UGGT2: variants seen among roughly 807,000 people sequenced by gnomAD.
The protein encoded by UGGT2 is UDP-glucose:glycoprotein glucosyltransferase 2.
UGGT2 carries 180 observed loss-of-function variants against 192.1 expected under a neutral mutation model. The ratio of observed to expected loss-of-function variants is 0.94; its 90% confidence interval spans 0.83 to 1.06. The LOEUF (loss-of-function observed/expected upper bound fraction) is 1.06. Among genes scored for constraint, UGGT2 ranks in the 50% least tolerant of loss-of-function variants. The pLI, the probability that UGGT2 is intolerant of heterozygous loss-of-function variation, is 0.00. For synonymous variants in UGGT2, 580 were observed against 591.0 expected (o/e 0.98, Z 0.27); for missense variants, 1,849 against 1,795.7 (o/e 1.03, Z -0.54).
intron 29 of UGGT2, among the ~76,000 whole-genome samples, chr13:95,869,088 A>C (rs965678892): frequency 7.6e-6 from 1 of 131,426 alleles, no homozygotes; most frequent in Non-Finnish European, 1.6e-5. Context: ...TCCTGTGTCC[A>C]TGTGTTCTCA....
chr13:95,914,054 C>A (rs1388737901), intron 20 of UGGT2, among the ~76,000 whole-genome samples: 1 of 151,376 alleles, frequency 6.6e-6, no homozygotes, highest in African/African-American at 2.4e-5. Flanking sequence ...GGACACAGGG[C>A]CTTGGACACA....
In UGGT2 at chr13:95,999,321, T is replaced by C; in HGVS notation, c.661-14A>G. The C allele has an allele frequency of 1.2e-6, 2 of 1,611,044 alleles. No homozygotes were observed. The highest frequency in any genetic ancestry group is 1.7e-6 in the Non-Finnish European group (2 of 1,177,604). ...TGAGCTTGGTTTCTGTTCAAACACA[T>C]TTATTTTATAAAAAGCGAAAAGAGT... On this transcript the variant is annotated splice_polypyrimidine_tract_variant and intron_variant, in intron 5 of 38. Transcript: ENST00000376747.
intron 36 of UGGT2, among the ~76,000 whole-genome samples, chr13:95,841,157 G>A (rs1269400968): frequency 1.3e-5 from 2 of 152,154 alleles, no homozygotes; most frequent in Non-Finnish European, 2.9e-5. Context: ...CATGGCACAT[G>A]TATACCTACG....
At chr13:95,961,832 T>C (rs1026676692) in intron 12 of UGGT2, among the ~76,000 whole-genome samples, 12 of 152,154 alleles carry the variant, frequency 7.9e-5, no homozygotes, top group Non-Finnish European at 1.5e-5. Context: ...ACACCATATG[T>C]TGGGACACAA....
rs1315929334 is a variant in UGGT2, at chr13:95,895,175, C to A, written c.2759+5G>T. ...ATGAATTGCTCTTAGAACTTATATA[C>A]TCACTTATTTGCGTTGATTCCCATA... On this transcript the variant is annotated splice_donor_5th_base_variant and intron_variant, in intron 23 of 38. Coordinates refer to ENST00000376747, the MANE Select transcript of UGGT2 (RefSeq NM_020121.4). 10 of 1,573,552 alleles carry A rather than the reference C, an allele frequency of 6.4e-6. No individual in the cohort carries two copies. Among genetic ancestry groups the A allele is most frequent in the African/African-American group, 1.4e-5 (1 of 72,150 alleles).
At chr13:95,816,965 A>G (rs1884962954) in intron 38 of UGGT2, among the ~76,000 whole-genome samples, 2 of 152,056 alleles carry the variant, frequency 1.3e-5, no homozygotes, top group Non-Finnish European at 2.9e-5. Context: ...CCTCTCTACT[A>G]AAAATACAAA....
At chr13:96,024,964 C>T (rs1237629662) in intron 2 of UGGT2, among the ~76,000 whole-genome samples, 1 of 152,208 alleles carries the variant, frequency 6.6e-6, no homozygotes, top group Non-Finnish European at 1.5e-5. Context: ...CCTTGACCCT[C>T]AGTTCCTCTC....
At chr13:95,940,854 A>G (rs992308808) in intron 15 of UGGT2, among the ~76,000 whole-genome samples, 2 of 152,156 alleles carry the variant, frequency 1.3e-5, no homozygotes, top group Admixed American at 6.6e-5. Context: ...CGGCCTCCCA[A>G]ATAGTTGAGA....
At chr13:95,952,557 T>A (rs1363659550) in intron 12 of UGGT2, among the ~76,000 whole-genome samples, 1 of 152,182 alleles carries the variant, frequency 6.6e-6, no homozygotes, top group East Asian at 1.9e-4. Flanking sequence ...TTTTTTATTG[T>A]TTTTCTTTTT....
intron 38 of UGGT2, among the ~76,000 whole-genome samples, chr13:95,817,496 T>C (rs1052541884): frequency 4.6e-5 from 7 of 152,048 alleles, no homozygotes; most frequent in African/African-American, 1.4e-4. Context: ...AGTGGCAGGA[T>C]TGCTTGAGCC....
At chr13:95,933,556 C>A (rs1022154364) in intron 17 of UGGT2, among the ~76,000 whole-genome samples, 3 of 152,084 alleles carry the variant, frequency 2.0e-5, no homozygotes, top group African/African-American at 7.2e-5. Flanking sequence ...CAATTTTGTA[C>A]AATTCTGCTC....
intron 1 of UGGT2, among the ~76,000 whole-genome samples, chr13:96,045,746 C>T (rs1221313691): frequency 2.0e-5 from 3 of 151,968 alleles, no homozygotes; most frequent in African/African-American, 7.2e-5. Context: ...ACAGCTCCAA[C>T]AAAAATAAAA....
At chr13:96,024,452 T>C (rs915657212) in intron 2 of UGGT2, among the ~76,000 whole-genome samples, 1 of 152,222 alleles carries the variant, frequency 6.6e-6, no homozygotes, top group Non-Finnish European at 1.5e-5. Context: ...GAAGAAGACC[T>C]GGTGGCACTA....
At chr13:95,835,364 T>G (rs1406964750) in intron 37 of UGGT2, among the ~76,000 whole-genome samples, 1 of 152,154 alleles carries the variant, frequency 6.6e-6, no homozygotes, top group South Asian at 2.1e-4. Context: ...TTAGTCTAAG[T>G]ACTAAAGATC....
At chr13:95,940,279 A>G (rs913847031) in intron 15 of UGGT2, among the ~76,000 whole-genome samples, 188 bp from the exon 16 acceptor site, 1 of 151,480 alleles carries the variant, frequency 6.6e-6, no homozygotes, top group African/African-American at 2.4e-5. Flanking sequence ...AAAATATTCT[A>G]TAGTTTTCAA....
chr13:95,940,208 T>A, intron 15 of UGGT2, 117 bp from the exon 16 acceptor site: 1 of 620,630 alleles, frequency 1.6e-6, no homozygotes, highest in Middle Eastern at 4.6e-4. Context: ...TAACTACACA[T>A]ACACACATAC....
chr13:96,009,487 T>C (rs2052086144), intron 5 of UGGT2, among the ~76,000 whole-genome samples: 1 of 152,150 alleles, frequency 6.6e-6, no homozygotes, highest in Non-Finnish European at 1.5e-5. Flanking sequence ...AACTTAAATT[T>C]ACAAGCAAAA....
rs1423479066 is a variant in UGGT2, at chr13:96,040,476, T to C, written c.159-8505A>G. On this transcript the variant is annotated intron_variant, in intron 1 of 38. Transcript: ENST00000376747. ...CAAGATGATCTCATCTCAAGATCCT[T>C]ACTTACATTAACACAGACATTTTTC... Among the ~76,000 whole-genome samples the C allele has an allele frequency of 2.0e-5, 3 of 152,304 alleles. No homozygotes were observed. In the South Asian group the frequency reaches 6.2e-4, roughly 32 times the overall value.
chr13:95,850,697 G>T (rs1888953446), intron 36 of UGGT2, among the ~76,000 whole-genome samples: 1 of 152,156 alleles, frequency 6.6e-6, no homozygotes. Flanking sequence ...CTTATACTTT[G>T]CAAAGACCAA....
Sources: allele counts gnomAD v4.1 joint callset (sites outside exome capture counted in the v4.1 genomes callset), GRCh38; gene constraint gnomAD v4.1.1; transcripts MANE v1.5; gene names NCBI Gene and HGNC (gene_info 2026-07-23, HGNC 2026-07-21).